Variants in TSPAN9 observed in about 807,000 individuals in gnomAD.
TSPAN9 encodes tetraspanin 9, also known as tetraspanin-9.
In TSPAN9, 16 loss-of-function variants were observed where a neutral mutation model predicts 31.0. The ratio of observed to expected loss-of-function variants is 0.52; its 90% CI spans 0.35 to 0.78. The LOEUF is 0.78. TSPAN9 is among the 30% of genes least tolerant of loss of function. The pLI is 0.01. For synonymous variants in TSPAN9, 145 were observed against 121.6 expected (o/e 1.19, Z -1.27); for missense variants, 272 against 312.5 (o/e 0.87, Z 0.98).
intron 2 of TSPAN9, among the ~76,000 whole-genome samples, chr12:3,115,148 G>A (rs1212013348): frequency 2.0e-5 from 3 of 148,246 alleles, no homozygotes; most frequent in Non-Finnish European, 4.4e-5. Context: ...TACCTACCCT[G>A]GACATTCATA....
chr12:3,078,593 G>GA (rs2098296282), intron 1 of TSPAN9, among the ~76,000 whole-genome samples: 1 of 152,166 alleles, frequency 6.6e-6, no homozygotes, highest in Admixed American at 6.6e-5. Flanking sequence ...TTTAGCTAAG[G>GA]AATGCAGCCA....
At chr12:3,211,966 T>G in intron 3 of TSPAN9, 1 of 990,476 alleles carries the variant, frequency 1.0e-6, no homozygotes. Flanking sequence ...ATTGCTGTCT[T>G]TGTATTTCTT....
chr12:3,091,576 G>C (rs1227521458), intron 2 of TSPAN9, among the ~76,000 whole-genome samples: 1 of 152,142 alleles, frequency 6.6e-6, no homozygotes, highest in Non-Finnish European at 1.5e-5. Flanking sequence ...CTGGAGATCC[G>C]AGGCTGGACC....
At chr12:3,141,331 C>T (rs900636708) in intron 2 of TSPAN9, among the ~76,000 whole-genome samples, 5 of 152,190 alleles carry the variant, frequency 3.3e-5, no homozygotes, top group Non-Finnish European at 7.3e-5. Flanking sequence ...GATCTTAACT[C>T]AGGGTGACAC....
At chr12:3,082,144 A>G (rs1190287837) in intron 1 of TSPAN9, among the ~76,000 whole-genome samples, 1 of 152,246 alleles carries the variant, frequency 6.6e-6, no homozygotes, top group Non-Finnish European at 1.5e-5. Flanking sequence ...ATGGCTTCTG[A>G]GAGCAGAATG....
chr12:3,245,815 A>G (rs1357304130), intron 3 of TSPAN9, among the ~76,000 whole-genome samples: 2 of 151,880 alleles, frequency 1.3e-5, no homozygotes, highest in East Asian at 3.9e-4. Flanking sequence ...GAGGTCTCCA[A>G]TTCCTTGTAC....
At chr12:3,278,876 C>T in intron 4 of TSPAN9, 116 bp from the exon 5 acceptor site, 1 of 1,143,916 alleles carries the variant, frequency 8.7e-7, no homozygotes, top group Non-Finnish European at 1.3e-6. Context: ...GAGGAGCTGG[C>T]TTCTCCCAGA....
At chr12:3,271,639 A>G (rs1179517662) in intron 3 of TSPAN9, among the ~76,000 whole-genome samples, 1 of 151,952 alleles carries the variant, frequency 6.6e-6, no homozygotes, top group Non-Finnish European at 1.5e-5. Context: ...CCATGGTTCC[A>G]AGGTGCTGTG....
chr12:3,219,506 C>T (rs765827195), intron 3 of TSPAN9, among the ~76,000 whole-genome samples: 4 of 152,130 alleles, frequency 2.6e-5, no homozygotes, highest in Non-Finnish European at 5.9e-5. Context: ...GGCGCCTTCA[C>T]CTCCTGCCTC....
chr12:3,127,449 G>T (rs530212225), intron 2 of TSPAN9, among the ~76,000 whole-genome samples: 1 of 151,656 alleles, frequency 6.6e-6, no homozygotes, highest in Non-Finnish European at 1.5e-5. Flanking sequence ...TCCGTCTCCT[G>T]GGTTCACGCC....
At chr12:3,234,718 G>T (rs867270741) in intron 3 of TSPAN9, among the ~76,000 whole-genome samples, 1 of 152,184 alleles carries the variant, frequency 6.6e-6, no homozygotes, top group South Asian at 2.1e-4. Context: ...ATCAGCTGCT[G>T]ATGGCAGGGC....
chr12:3,089,329 T>C (rs148267249), intron 2 of TSPAN9, among the ~76,000 whole-genome samples: 4,097 of 147,762 alleles, frequency 0.028, 205 homozygotes, highest in African/African-American at 0.097. Context: ...ACAAGTCTTG[T>C]TCTGTCCCCC....
intron 3 of TSPAN9, among the ~76,000 whole-genome samples, chr12:3,230,449 C>T (rs1277263523): frequency 6.6e-6 from 1 of 152,134 alleles, no homozygotes; most frequent in African/African-American, 2.4e-5. Context: ...TTCACCCCAC[C>T]ACCAAGAAGG....
At chr12:3,133,761 G>T (rs1195010980) in intron 2 of TSPAN9, among the ~76,000 whole-genome samples, 1 of 152,180 alleles carries the variant, frequency 6.6e-6, no homozygotes, top group African/African-American at 2.4e-5. Context: ...AGTGCAGAGG[G>T]TGGAGGTTTC....
At chr12:3,189,892 G>C (rs2098363412) in intron 2 of TSPAN9, among the ~76,000 whole-genome samples, 1 of 152,156 alleles carries the variant, frequency 6.6e-6, no homozygotes, top group Non-Finnish European at 1.5e-5. Flanking sequence ...TTAATGCACT[G>C]CGGGCCTTCG....
At position 3,143,257 on chromosome 12, in the gene TSPAN9, G is replaced by A. The variant is rs559336346; in HGVS notation, c.-17-57920G>A. On this transcript the variant is annotated intron_variant, in intron 2 of 8. Transcript: ENST00000011898. The surrounding 1 kb of genome is among the most constrained non-coding windows in gnomAD (Gnocchi z 4.2). ...TTCTTTATAATTAATAATATTTATA[G>A]TTATATTAATCATAATTAATAATAT... 3.8e-3 allele frequency among the ~76,000 whole-genome samples: 564 copies of A among 148,194 alleles called. 2 individuals are homozygous for A. Among genetic ancestry groups the A allele is most frequent in the African/African-American group, 0.013 (544 of 40,760 alleles).
chr12:3,206,911 C>G (rs755185694), intron 3 of TSPAN9, among the ~76,000 whole-genome samples: 18 of 152,150 alleles, frequency 1.2e-4, no homozygotes, highest in Non-Finnish European at 1.9e-4. Context: ...TTAGATCAGA[C>G]TAGAGGGTCC....
chr12:3,282,222 G>A (rs1565645962), intron 8 of TSPAN9: 6 of 574,618 alleles, frequency 1.0e-5, no homozygotes, highest in Non-Finnish European at 1.9e-5. Flanking sequence ...GCTTCCTTCT[G>A]CCTCCTGCAC....
intron 2 of TSPAN9, among the ~76,000 whole-genome samples, chr12:3,097,382 C>T (rs1022395921): frequency 5.3e-5 from 8 of 152,212 alleles, no homozygotes; most frequent in Non-Finnish European, 4.4e-5. Flanking sequence ...GAGCTCAGAT[C>T]TCTCTGGCAT....
Sources: gnomAD v4.1 joint callset for allele counts (sites outside exome capture counted in the v4.1 genomes callset) on GRCh38, gnomAD v4.1.1 for gene constraint, Gnocchi (gnomAD v3.1) non-coding constraint, MANE v1.5 for transcripts, NCBI Gene and HGNC (gene_info 2026-07-23, HGNC 2026-07-21) for gene names.